Variants in CPT2 observed in about 807,000 individuals in gnomAD.
CPT2 encodes the protein carnitine palmitoyltransferase 2.
Under a neutral mutation model 48.6 loss-of-function variants are expected in CPT2, and 37 were observed. That is an observed-to-expected ratio of 0.76 (90% CI 0.59 to 1.00). The LOEUF (loss-of-function observed/expected upper bound fraction) is 1.00, where lower values mean the gene tolerates loss of function less well. Among genes scored for constraint, CPT2 ranks in the 50% least tolerant of loss-of-function variants. The pLI, the probability that CPT2 is intolerant of heterozygous loss-of-function variation, is 0.00. For missense variants in CPT2, 772 were observed against 825.6 expected (o/e 0.94, Z 0.80); for synonymous variants, 319 against 326.9 (o/e 0.98, Z 0.26).
At chr1:53,198,747 G>T (rs1188287126) in intron 1 of CPT2, among the ~76,000 whole-genome samples, 1 of 152,222 alleles carries the variant, frequency 6.6e-6, no homozygotes, top group African/African-American at 2.4e-5. Flanking sequence ...AGCACAGTCT[G>T]TAGGAATCTG....
chr1:53,210,486 C>T lies in CPT2; in HGVS notation c.812C>T (p.Ala271Val). 1 of 1,614,080 alleles carries T rather than the reference C, an allele frequency of 6.2e-7. No homozygotes were observed. Among genetic ancestry groups the T allele is most frequent in the South Asian group, 1.1e-5 (1 of 91,080 alleles). Residue 271 changes from alanine (A) to valine (V), a missense_variant, in exon 4 of 5, where the codon GCA becomes GTA. Physicochemically the swap from Ala to Val is moderately conservative, Grantham distance 64. Transcript: ENST00000371486. ...ATTGTGAGCCCCTCGGAAATCCAGG[C>T]ACATCTGAAGTACATTCTCTCAGAC... is the stretch of plus-strand genomic sequence containing the variant. The part of the protein sequence containing the change: ...GNIVSPSEIQ[A>V]HLKYILSDSS...
chr1:53,200,960 C>G lies in CPT2; in HGVS notation c.233+161C>G, dbSNP rs544617226. 78 of 697,246 alleles carry G rather than the reference C, an allele frequency of 1.1e-4. 1 individual carries two copies. The highest frequency in any genetic ancestry group is 1.1e-3 in the South Asian group (74 of 66,808). The allele number at this position is 697,246 out of a possible 1,614,324, so 43.2% of individuals were successfully genotyped here. A position where few individuals can be genotyped will look rare whatever the true frequency, so the allele number is the denominator to read the frequency against. On this transcript the variant is annotated intron_variant, in intron 2 of 4. Transcript: ENST00000371486. ...CAAGTTCAGGAAATAGATTTTCATT[C>G]ATGAAGGACTGACCAAGCCCCGAGA...
At chr1:53,212,497 A>G (rs564256450) in intron 4 of CPT2, among the ~76,000 whole-genome samples, 34 of 152,290 alleles carry the variant, frequency 2.2e-4, no homozygotes, top group African/African-American at 7.2e-4. Context: ...ACTGCACCCA[A>G]CCTTTTTCTA....
chr1:53,197,832 C>T (rs1001073972), intron 1 of CPT2, among the ~76,000 whole-genome samples: 5 of 152,140 alleles, frequency 3.3e-5, no homozygotes, highest in African/African-American at 1.2e-4. Flanking sequence ...AGCTCACCCT[C>T]ACAGAATTCT....
In CPT2 at chr1:53,196,838, G is replaced by C; in HGVS notation, c.-106G>C. ...GGCCTGCGGGCGGAGAAGTGCCTCA[G>C]GAGTCCTGACGCAGTGTCTTGGGCG... On this transcript the variant is annotated 5_prime_UTR_variant, in exon 1 of 5. Coordinates refer to ENST00000371486, the MANE Select transcript of CPT2 (RefSeq NM_000098.3). The C allele has an allele frequency of 7.1e-7, 1 of 1,412,110 alleles. No homozygotes were observed. Among genetic ancestry groups the C allele is most frequent in the Admixed American group, 2.0e-5 (1 of 49,450 alleles). The allele number at this position is 1,412,110 out of a possible 1,614,324, so 87.5% of individuals were successfully genotyped here. A position where few individuals can be genotyped will look rare whatever the true frequency, so the allele number is the denominator to read the frequency against.
chr1:53,210,372 A>G lies in CPT2; in HGVS notation c.698A>G (p.Glu233Gly), dbSNP rs144805101. The G allele has an allele frequency of 6.2e-6, 10 of 1,614,006 alleles. No homozygotes were observed. Among genetic ancestry groups the G allele is most frequent in the Non-Finnish European group, 7.6e-6 (9 of 1,180,036 alleles). Residue 233 changes from glutamate to glycine, a missense_variant, in exon 4 of 5, where the codon GAA becomes GGA. Physicochemically the swap from Glu to Gly is moderately conservative, Grantham distance 98. Transcript: ENST00000371486. ...CGTTTACCCAAACCCAGTCGGGATG[A>G]ACTCTTCACTGATGACAAGGCCAGA... ...STRLPKPSRDELFTDDKARHL... is the reference protein window; with the variant it reads ...STRLPKPSRDGLFTDDKARHL...
At chr1:53,208,460 A>G (rs1645401214) in intron 3 of CPT2, 1 of 152,250 alleles carries the variant, frequency 6.6e-6, no homozygotes, top group Admixed American at 6.5e-5. Flanking sequence ...TTTCTGATAA[A>G]ATATTGCTTC....
chr1:53,210,080 G>T lies in CPT2; in HGVS notation c.406G>T (p.Ala136Ser), dbSNP rs554813467. The T allele has an allele frequency of 2.0e-5, 33 of 1,613,860 alleles. No individual in the cohort carries two copies. In the African/African-American group the frequency reaches 4.1e-4, roughly 20 times the overall value. ...SVVLNFNPFM[A>S]FNPDPKSEYN... ...TGTTCTGAACTTTAATCCATTTATG[G>T]CTTTCAATCCTGACCCAAAATCTGA... is the stretch of plus-strand genomic sequence containing the variant. The change falls in exon 4 of 5, where the codon GCT becomes TCT. Residue 136 changes from alanine (A) to serine (S), a missense_variant. Physicochemically the swap from Ala to Ser is moderately conservative, Grantham distance 99 (BLOSUM62 1). Transcript: ENST00000371486.
In CPT2 at chr1:53,213,855, G is replaced by T; in HGVS notation, c.*260G>T. ...GAAGCAGAATTGCTTGAACCCAGGA[G>T]GTGGAGGTTGCAGTGAGCTGAGATC... On this transcript the variant is annotated 3_prime_UTR_variant, in exon 5 of 5. Transcript: ENST00000371486. The T allele has an allele frequency of 2.3e-6, 1 of 435,224 alleles. No individual in the cohort carries two copies. The highest frequency in any genetic ancestry group is 2.1e-5 in the South Asian group (1 of 48,588). The allele number at this position is 435,224 out of a possible 1,614,324, so 27.0% of individuals were successfully genotyped here.
rs775793760 is a variant in CPT2 at position 53,210,462 on chromosome 1, T to C, written c.788T>C (p.Ile263Thr). 1.4e-5 allele frequency: 22 copies of C among 1,614,134 alleles called. No homozygotes were observed. The highest frequency in any genetic ancestry group is 1.6e-4 in the Middle Eastern group (1 of 6,062). The change falls in exon 4 of 5, where the codon ATT (isoleucine) becomes ACT (threonine). Residue 263 changes from isoleucine to threonine, a missense_variant. By Grantham distance (89) the Ile-to-Thr change is moderately conservative (BLOSUM62 -1). Coordinates refer to ENST00000371486, the MANE Select transcript of CPT2 (RefSeq NM_000098.3). ...IFDVLDQDGN[I>T]VSPSEIQAHL... ...GATGTCCTGGATCAAGATGGGAACA[T>C]TGTGAGCCCCTCGGAAATCCAGGCA...
rs774859940 is a variant in CPT2 at position 53,210,552 on chromosome 1, G to A, written c.878G>A (p.Ser293Asn). The A allele has an allele frequency of 1.2e-6, 2 of 1,614,198 alleles. No homozygotes were observed. The highest frequency in any genetic ancestry group is 4.5e-5 in the East Asian group (2 of 44,872). The change falls in exon 4 of 5, where the codon AGT becomes AAT. Residue 293 changes from serine (S) to asparagine (N), a missense_variant. Physicochemically the swap from Ser to Asn is conservative, Grantham distance 46 (BLOSUM62 1). Transcript: ENST00000371486. Reference sequence around the variant, plus strand: ...GAGTTTCCCCTGGCATACCTGACCAGTGAGAACCGAGACATCTGGGCAGAG... The same window carrying A: ...GAGTTTCCCCTGGCATACCTGACCAATGAGAACCGAGACATCTGGGCAGAG... The part of the protein sequence containing the change: ...APEFPLAYLT[S>N]ENRDIWAELR...
intron 3 of CPT2, among the ~76,000 whole-genome samples, chr1:53,204,792 T>C (rs758589333): frequency 6.6e-6 from 1 of 152,160 alleles, no homozygotes; most frequent in African/African-American, 2.4e-5. Flanking sequence ...CTCTGATAGT[T>C]AAAAAGTGTT....
Position 53,213,774 on chromosome 1 carries a change from CAA to C in CPT2, c.*183_*184del. 1 of 597,712 alleles carries C rather than the reference CAA, an allele frequency of 1.7e-6. No homozygotes were observed. The allele number at this position is 597,712 out of a possible 1,614,324, so 37.0% of individuals were successfully genotyped here. On this transcript the variant is annotated 3_prime_UTR_variant, in exon 5 of 5. Transcript: ENST00000371486. Reference sequence around the variant, plus strand: ...TGAAACCTTGTCTCTACTAAAAATACAAAAATTAGCTGGGTGTGGTGGCATGT... The same window carrying C: ...TGAAACCTTGTCTCTACTAAAAATACAAATTAGCTGGGTGTGGTGGCATGT...
chr1:53,196,965 C>T lies in CPT2; in HGVS notation c.22C>T (p.Arg8Cys), dbSNP rs768829380. 6.5e-7 allele frequency: 1 copy of T among 1,533,832 alleles called. No homozygotes were observed. Among genetic ancestry groups the T allele is most frequent in the Non-Finnish European group, 8.7e-7 (1 of 1,147,816 alleles). Reference protein sequence around the residue: MVPRLLLRAWPRGPAVGP... With the variant: MVPRLLLCAWPRGPAVGP... ...GACGATGGTGCCCCGCCTGCTGCTG[C>T]GCGCCTGGCCCCGGGGCCCCGCGGT... The change falls in exon 1 of 5, where the codon CGC becomes TGC. Residue 8 changes from arginine (R) to cysteine (C), a missense_variant. Coordinates refer to ENST00000371486, the MANE Select transcript of CPT2 (RefSeq NM_000098.3).
chr1:53,202,126 T>C (rs756343768), intron 2 of CPT2, 197 bp from the exon 3 acceptor site: 114 of 556,762 alleles, frequency 2.0e-4, no homozygotes, highest in Non-Finnish European at 1.2e-4. Context: ...TTCCTAATCA[T>C]TCATTTTAAG....
chr1:53,211,015 G>T lies in CPT2; in HGVS notation c.1341G>T (p.Gln447His), dbSNP rs767030994. Residue 447 changes from glutamine (Q) to histidine (H), a missense_variant, in exon 4 of 5, where the codon CAG becomes CAT. Coordinates refer to ENST00000371486, the MANE Select transcript of CPT2 (RefSeq NM_000098.3). ...AAACCCTCACTATTGACTGCGTCCA[G>T]TTTCAGAGAGGAGGCAAAGAATTCC... is the stretch of plus-strand genomic sequence containing the variant. ...TMKTLTIDCV[Q>H]FQRGGKEFLK... 1.2e-6 allele frequency: 2 copies of T among 1,614,202 alleles called. No homozygotes were observed. The highest frequency in any genetic ancestry group is 2.2e-5 in the South Asian group (2 of 91,088).
rs1380638554 is a variant in CPT2 at position 53,210,385 on chromosome 1, T to C, written c.711T>C (p.Asp237=). 3.1e-6 allele frequency: 5 copies of C among 1,614,004 alleles called. No individual in the cohort carries two copies. The highest frequency in any genetic ancestry group is 4.2e-6 in the Non-Finnish European group (5 of 1,180,046). ...CCAGTCGGGATGAACTCTTCACTGA[T>C]GACAAGGCCAGACACCTCCTGGTCC... ...PKPSRDELFT[D]DKARHLLVLR... Residue 237 remains aspartate (D), a synonymous_variant, in exon 4 of 5, where the codon GAT becomes GAC. Coordinates refer to ENST00000371486, the MANE Select transcript of CPT2 (RefSeq NM_000098.3).
At chr1:53,197,927 GGCTACCCT>G (rs1645333705) in intron 1 of CPT2, among the ~76,000 whole-genome samples, 1 of 152,048 alleles carries the variant, frequency 6.6e-6, no homozygotes, top group Non-Finnish European at 1.5e-5. Context: ...CCTCACCACT[GGCTACCCT>G]GCCTTCGAAA....
At chr1:53,207,936 TTC>T (rs1208274344) in intron 3 of CPT2, 2 of 152,210 alleles carry the variant, frequency 1.3e-5, no homozygotes, top group Non-Finnish European at 2.9e-5. Flanking sequence ...TTTCTTGGCT[TTC>T]TCTCCTGCCA....
Sources: gnomAD v4.1 joint callset for allele counts (sites outside exome capture counted in the v4.1 genomes callset) on GRCh38, gnomAD v4.1.1 for gene constraint, MANE v1.5 for transcripts, NCBI Gene and HGNC (gene_info 2026-07-23, HGNC 2026-07-21) for gene names.